OPRM1: variants seen among roughly 807,000 people sequenced by gnomAD.
OPRM1 encodes the protein mu-type opioid receptor.
A neutral mutation model predicts 31.8 loss-of-function variants in OPRM1; 27 were observed. The ratio of observed to expected loss-of-function variants is 0.85; its 90% CI spans 0.63 to 1.17. OPRM1 has a LOEUF of 1.17. Among genes scored for constraint, OPRM1 ranks in the 50% most tolerant of loss-of-function variants. OPRM1 has a pLI of 0.00. For synonymous variants in OPRM1, 196 were observed against 189.9 expected (o/e 1.03, Z -0.26); for missense variants, 536 against 511.1 (o/e 1.05, Z -0.47).
chr6:154,100,811 T>C (rs112222516), intron 3 of OPRM1, among the ~76,000 whole-genome samples: 81 of 151,202 alleles, frequency 5.4e-4, no homozygotes, highest in African/African-American at 1.6e-3. Flanking sequence ...ACCTAGGTTC[T>C]TTCTACTTTT....
rs781543330 is a variant in OPRM1 at position 154,246,800 on chromosome 6, TG to T, written c.*16del. On this transcript the variant is annotated 3_prime_UTR_variant, in exon 4 of 4. Transcript: ENST00000337049. ...TGAAGAGGTAGATAATGTATTACCCTGATTTGGTAGGTAAAGTATTATCCTG... is the reference window on the plus strand; with the variant it reads ...TGAAGAGGTAGATAATGTATTACCCTATTTGGTAGGTAAAGTATTATCCTG... 2.5e-6 allele frequency: 4 copies of T among 1,592,580 alleles called. No individual in the cohort carries two copies. The East Asian group carries it at 9.0e-5, about 36-fold the overall frequency.
In OPRM1 at chr6:154,100,208, C is replaced by T. The variant is rs1327564840; in HGVS notation, c.1164+8736C>T. On this transcript the variant is annotated intron_variant, in intron 3 of 3. Coordinates refer to ENST00000330432, the MANE Select transcript of OPRM1 (RefSeq NM_000914.5). The stretch of plus-strand genomic sequence containing the variant: ...TATGACATATCATAATATATATTAT[C>T]ATATTATGACATATCGTAATATATA... Among the ~76,000 whole-genome samples the T allele has an allele frequency of 8.8e-5, 11 of 124,796 alleles. 1 individual carries two copies. The highest frequency in any genetic ancestry group is 3.4e-4 in the African/African-American group (11 of 32,758). The allele number at this position is 124,796 out of a possible 152,430, so 81.9% of individuals were successfully genotyped here.
intron 3 of OPRM1, chr6:154,158,818 CA>C (rs1251783807): frequency 6.6e-6 from 1 of 152,204 alleles, no homozygotes; most frequent in Non-Finnish European, 1.5e-5. Context: ...AAATAACAAA[CA>C]TAGCTATTCA....
intron 3 of OPRM1, among the ~76,000 whole-genome samples, chr6:154,139,284 T>A (rs1302016044): frequency 6.6e-6 from 1 of 152,204 alleles, no homozygotes; most frequent in African/African-American, 2.4e-5. Flanking sequence ...GTGTCGCTGG[T>A]ATCAGAGTCT....
At position 154,127,737 on chromosome 6, in the gene OPRM1, G is replaced by A. The variant is rs1288428549; in HGVS notation, c.*9016G>A. ...ACAAGAAATCCATAGGTTGATTCTTGTTCTCCTGCATCTCTGCAGGTGGCA... is the reference window on the plus strand; with the variant it reads ...ACAAGAAATCCATAGGTTGATTCTTATTCTCCTGCATCTCTGCAGGTGGCA... On this transcript the variant is annotated 3_prime_UTR_variant, in exon 4 of 4. Coordinates refer to ENST00000330432, the MANE Select transcript of OPRM1 (RefSeq NM_000914.5). Among the ~76,000 whole-genome samples, 1 of 152,220 alleles carries A rather than the reference G, an allele frequency of 6.6e-6. No individual in the cohort carries two copies. The highest frequency in any genetic ancestry group is 2.4e-5 in the African/African-American group (1 of 41,452).
intron 3 of OPRM1, chr6:154,107,510 C>T: frequency 1.4e-6 from 1 of 718,586 alleles, no homozygotes; most frequent in Admixed American, 2.0e-5. Context: ...AAAGCCTTGG[C>T]CACTGAGCTA....
chr6:154,031,984 A>T (rs1362789540), intron 1 of OPRM1, among the ~76,000 whole-genome samples: 1 of 152,182 alleles, frequency 6.6e-6, no homozygotes, highest in Non-Finnish European at 1.5e-5. Flanking sequence ...GGAGCCAACA[A>T]GCATGATCAG....
chr6:154,047,656 G>C (rs994489570), intron 1 of OPRM1, among the ~76,000 whole-genome samples: 26 of 152,226 alleles, frequency 1.7e-4, no homozygotes, highest in African/African-American at 4.6e-4. Context: ...TTAAATGAGA[G>C]AGAGATCATT....
At chr6:154,161,500 A>C (rs1333561072) in intron 3 of OPRM1, among the ~76,000 whole-genome samples, 1 of 152,202 alleles carries the variant, frequency 6.6e-6, no homozygotes, top group Non-Finnish European at 1.5e-5. Flanking sequence ...GGCGTGAGCC[A>C]CTGCACCTGG....
chr6:154,135,930 C>A (rs1226346499), downstream of OPRM1, among the ~76,000 whole-genome samples: 1 of 152,174 alleles, frequency 6.6e-6, no homozygotes, highest in Admixed American at 6.5e-5. Context: ...TTTAATGTCC[C>A]TAAAGAAGCA....
In OPRM1 at chr6:154,201,620, C is replaced by T. The variant is rs147285690; in HGVS notation, c.1165-45073C>T. 4.6e-5 allele frequency among the ~76,000 whole-genome samples: 7 copies of T among 152,252 alleles called. No homozygotes were observed. The East Asian group carries it at 5.8e-4, about 13-fold the overall frequency. ...ATTCAAAACTCTAAGGAAGGCCAGG[C>T]GCGGTGGCTCATGCCTGTAATCCCA... On this transcript the variant is annotated intron_variant, in intron 3 of 3. Coordinates refer to the OPRM1 transcript ENST00000337049.
intron 3 of OPRM1, among the ~76,000 whole-genome samples, chr6:154,175,986 G>T (rs574986311): frequency 5.9e-5 from 9 of 152,240 alleles, no homozygotes; most frequent in African/African-American, 1.4e-4. Flanking sequence ...AATCAAGTCG[G>T]CTTCATCCCT....
At chr6:154,223,933 A>C (rs1407180269) in intron 3 of OPRM1, among the ~76,000 whole-genome samples, 1 of 152,248 alleles carries the variant, frequency 6.6e-6, no homozygotes, top group Non-Finnish European at 1.5e-5. Flanking sequence ...AGGACGTAGC[A>C]TAAATGTCAC....
chr6:154,233,130 A>G (rs555601001), intron 3 of OPRM1, among the ~76,000 whole-genome samples: 2 of 152,056 alleles, frequency 1.3e-5, no homozygotes, highest in Non-Finnish European at 2.9e-5. Flanking sequence ...CGCCACGCCC[A>G]GCTAATTTTT....
intron 3 of OPRM1, among the ~76,000 whole-genome samples, chr6:154,149,385 T>C (rs1447492225): frequency 6.6e-6 from 1 of 151,932 alleles, no homozygotes; most frequent in Non-Finnish European, 1.5e-5. Context: ...CTCCCCTCCA[T>C]CCCTCCCATG....
downstream of OPRM1, among the ~76,000 whole-genome samples, chr6:154,134,476 T>C (rs1016569243): frequency 2.6e-5 from 4 of 152,184 alleles, no homozygotes; most frequent in African/African-American, 7.2e-5. Flanking sequence ...ACAATGGCCC[T>C]GGTTCTGAAG....
chr6:154,112,934 C>A (rs1300699295), intron 3 of OPRM1, among the ~76,000 whole-genome samples: 1 of 152,132 alleles, frequency 6.6e-6, no homozygotes, highest in Non-Finnish European at 1.5e-5. Flanking sequence ...CTCCAGGATC[C>A]CCGACCCAAT....
At chr6:154,041,491 CAT>C (rs560276190) in intron 1 of OPRM1, among the ~76,000 whole-genome samples, 158 of 152,150 alleles carry the variant, frequency 1.0e-3, no homozygotes, top group African/African-American at 3.7e-3. Context: ...TTCATAGAAT[CAT>C]AAACTAATCA....
intron 3 of OPRM1, among the ~76,000 whole-genome samples, chr6:154,113,440 T>C (rs932281486): frequency 4.6e-5 from 7 of 152,116 alleles, no homozygotes; most frequent in African/African-American, 1.7e-4. Context: ...ATGGATATCC[T>C]CTGGGCCACT....
Sources: allele counts gnomAD v4.1 joint callset (sites outside exome capture counted in the v4.1 genomes callset), GRCh38; gene constraint gnomAD v4.1.1; transcripts MANE v1.5; gene names NCBI Gene and HGNC (gene_info 2026-07-23, HGNC 2026-07-21).